C8orf34: variants seen among roughly 807,000 people sequenced by gnomAD.
C8orf34 encodes uncharacterized protein C8orf34.
In C8orf34, 65 loss-of-function variants were observed where a neutral mutation model predicts 68.3. That is an observed-to-expected ratio of 0.95 (90% confidence interval 0.78 to 1.17). The LOEUF (loss-of-function observed/expected upper bound fraction) is 1.17. Ranked by LOEUF, C8orf34 falls within the 50% of genes most tolerant of loss-of-function variation. The pLI is 0.00. For synonymous variants in C8orf34, 244 were observed against 241.2 expected (o/e 1.01, Z -0.11); for missense variants, 664 against 655.4 (o/e 1.01, Z -0.14).
At chr8:68,588,271 A>G (rs1373855131) in intron 7 of C8orf34, among the ~76,000 whole-genome samples, 1 of 152,146 alleles carries the variant, frequency 6.6e-6, no homozygotes, top group South Asian at 2.1e-4. Flanking sequence ...TGGAAAGATA[A>G]TTATGATGTA....
intron 12 of C8orf34, among the ~76,000 whole-genome samples, chr8:68,811,230 C>A (rs745367821): frequency 6.6e-6 from 1 of 152,326 alleles, no homozygotes; most frequent in Admixed American, 6.5e-5. Context: ...TGCATGCACA[C>A]CCAGCTGGGT....
At chr8:68,645,223 G>A (rs775506665) in intron 8 of C8orf34, among the ~76,000 whole-genome samples, 1 of 152,094 alleles carries the variant, frequency 6.6e-6, no homozygotes, top group Non-Finnish European at 1.5e-5. Flanking sequence ...GCTGTGAAAC[G>A]GAGTTCATAT....
intron 3 of C8orf34, among the ~76,000 whole-genome samples, chr8:68,459,490 C>CAAAG (rs1481928825): frequency 2.6e-5 from 4 of 152,124 alleles, no homozygotes; most frequent in Admixed American, 2.6e-4. Context: ...CTTGGCCTCC[C>CAAAG]AAAGTGTTGG....
intron 7 of C8orf34, among the ~76,000 whole-genome samples, chr8:68,589,718 AG>A (rs1184355714): frequency 6.9e-6 from 1 of 144,380 alleles, no homozygotes; most frequent in Non-Finnish European, 1.5e-5. Flanking sequence ...AAAGGAGGAA[AG>A]GAAGGAAGGG....
chr8:68,391,034 C>T (rs1048620488), intron 1 of C8orf34, among the ~76,000 whole-genome samples: 12 of 152,074 alleles, frequency 7.9e-5, no homozygotes, highest in African/African-American at 2.9e-4. Flanking sequence ...ACCATAGCTA[C>T]AAAATGTCTT....
chr8:68,339,359 T>C (rs1201379248), intron 1 of C8orf34, among the ~76,000 whole-genome samples: 2 of 151,962 alleles, frequency 1.3e-5, no homozygotes. Flanking sequence ...ATATTTATGT[T>C]CAAGCAAACA....
At chr8:68,713,660 T>TA (rs1020275822) in intron 9 of C8orf34, among the ~76,000 whole-genome samples, 61 of 151,930 alleles carry the variant, frequency 4.0e-4, no homozygotes, top group Admixed American at 1.4e-3. Context: ...GAAATAGTAA[T>TA]AAAAAAAATT....
intron 7 of C8orf34, among the ~76,000 whole-genome samples, chr8:68,628,092 T>G (rs1184043907): frequency 6.6e-6 from 1 of 152,200 alleles, no homozygotes; most frequent in Non-Finnish European, 1.5e-5. Context: ...TACTTACTCT[T>G]ATGTTATTAA....
chr8:68,818,341 T>C lies in C8orf34; in HGVS notation c.*95T>C. On this transcript the variant is annotated 3_prime_UTR_variant, in exon 14 of 14. Coordinates refer to ENST00000518698, the MANE Select transcript of C8orf34 (RefSeq NM_052958.4). ...ATTTTATTTACTATGTGTAATCATTTAGAGAATGGTTATTTTTATAATCTC... is the reference window on the plus strand; with the variant it reads ...ATTTTATTTACTATGTGTAATCATTCAGAGAATGGTTATTTTTATAATCTC... 1 of 1,312,598 alleles carries C rather than the reference T, an allele frequency of 7.6e-7. No homozygotes were observed. Among genetic ancestry groups the C allele is most frequent in the Non-Finnish European group, 1.1e-6 (1 of 919,286 alleles). 81.3% of individuals were successfully genotyped at this position (1,312,598 alleles called of 1,614,324 possible). A position where few individuals can be genotyped will look rare whatever the true frequency, so the allele number is the denominator to read the frequency against.
intron 4 of C8orf34, among the ~76,000 whole-genome samples, chr8:68,472,438 C>A (rs1480172851): frequency 1.3e-5 from 2 of 152,086 alleles, no homozygotes; most frequent in Non-Finnish European, 2.9e-5. Context: ...ATAGAGTAAT[C>A]CCCATTCTGA....
At chr8:68,551,349 A>G (rs1037974660) in intron 7 of C8orf34, among the ~76,000 whole-genome samples, 4 of 151,724 alleles carry the variant, frequency 2.6e-5, no homozygotes, top group Non-Finnish European at 5.9e-5. Context: ...TATCTGTAAC[A>G]TTTCTTTTTT....
Position 68,332,792 on chromosome 8 carries a change from C to T in C8orf34, c.327+1453C>T, listed in dbSNP as rs368520667. The stretch of plus-strand genomic sequence containing the variant: ...TGTGGGGTGCAGAGTCCTACAATTG[C>T]TTTGATTCTTTTTTCTGCCAAAAAT... On this transcript the variant is annotated intron_variant, in intron 1 of 13. Coordinates refer to ENST00000518698, the MANE Select transcript of C8orf34 (RefSeq NM_052958.4). Among the ~76,000 whole-genome samples, 764 of 152,178 alleles carry T rather than the reference C, an allele frequency of 5.0e-3. 4 individuals are homozygous for T. The highest frequency in any genetic ancestry group is 0.017 in the African/African-American group (712 of 41,512).
intron 7 of C8orf34, among the ~76,000 whole-genome samples, chr8:68,608,040 T>C (rs894976214): frequency 7.0e-6 from 1 of 142,484 alleles, no homozygotes; most frequent in African/African-American, 2.9e-5. Context: ...AACAATATAG[T>C]AGTTTTTATT....
chr8:68,730,454 G>GA (rs1463727475), intron 10 of C8orf34, among the ~76,000 whole-genome samples: 1 of 151,850 alleles, frequency 6.6e-6, no homozygotes, highest in African/African-American at 2.4e-5. Context: ...GATCTGGTGG[G>GA]ATTTTTCCTT....
chr8:68,547,534 C>T (rs1417330221), intron 7 of C8orf34, among the ~76,000 whole-genome samples: 1 of 151,426 alleles, frequency 6.6e-6, no homozygotes, highest in African/African-American at 2.4e-5. Flanking sequence ...GTTTGAAAAC[C>T]ACCATAGCTG....
chr8:68,661,146 C>T (rs1819664801), intron 8 of C8orf34, among the ~76,000 whole-genome samples: 1 of 152,180 alleles, frequency 6.6e-6, no homozygotes, highest in African/African-American at 2.4e-5. Flanking sequence ...GCATGGGCAG[C>T]TACCAGTGTG....
chr8:68,466,897 G>T (rs924146443), intron 3 of C8orf34, among the ~76,000 whole-genome samples: 1 of 151,252 alleles, frequency 6.6e-6, no homozygotes, highest in East Asian at 1.9e-4. Context: ...TATTTCATTA[G>T]TTGGAGACTA....
At chr8:68,463,891 A>G (rs535508425) in intron 3 of C8orf34, among the ~76,000 whole-genome samples, 144 of 152,342 alleles carry the variant, frequency 9.5e-4, no homozygotes, top group African/African-American at 3.4e-3. Flanking sequence ...CAAGACAGGG[A>G]TGCCCTCTTT....
At chr8:68,405,282 T>A (rs1809145397) in intron 1 of C8orf34, among the ~76,000 whole-genome samples, 1 of 152,194 alleles carries the variant, frequency 6.6e-6, no homozygotes, top group African/African-American at 2.4e-5. Flanking sequence ...TTTAGGGTAC[T>A]TGAATCCTTA....
Sources: allele counts gnomAD v4.1 joint callset (sites outside exome capture counted in the v4.1 genomes callset), GRCh38; gene constraint gnomAD v4.1.1; transcripts MANE v1.5; gene names NCBI Gene and HGNC (gene_info 2026-07-23, HGNC 2026-07-21).